SYT12: variants seen among roughly 807,000 people sequenced by gnomAD.
SYT12 encodes the protein synaptotagmin-12.
Under a neutral mutation model 39.5 loss-of-function variants are expected in SYT12, and 27 were observed. The ratio of observed to expected loss-of-function variants is 0.68; its 90% CI spans 0.50 to 0.94. The LOEUF (loss-of-function observed/expected upper bound fraction) is 0.94, where lower values mean the gene tolerates loss of function less well. SYT12 is among the 40% of genes least tolerant of loss of function. The pLI is 0.00. For missense variants in SYT12, 536 were observed against 572.6 expected (o/e 0.94, Z 0.65); for synonymous variants, 233 against 239.7 (o/e 0.97, Z 0.26).
At chr11:67,035,451 T>C in intron 3 of SYT12, among the ~76,000 whole-genome samples, 1 of 140,674 alleles carries the variant, frequency 7.1e-6, no homozygotes, top group East Asian at 2.1e-4. Flanking sequence ...CTTTTTCTTT[T>C]TCTTTTCTTT....
intron 3 of SYT12, among the ~76,000 whole-genome samples, chr11:67,011,868 C>T (rs1213795763): frequency 6.6e-6 from 1 of 151,884 alleles, no homozygotes; most frequent in African/African-American, 2.4e-5. Context: ...CGGGTTCAAG[C>T]AATTCTCCCA....
upstream of SYT12, among the ~76,000 whole-genome samples, chr11:67,018,240 G>A (rs560392567): frequency 3.1e-4 from 47 of 151,976 alleles, no homozygotes; most frequent in East Asian, 8.5e-3. Flanking sequence ...TCCAGCCTGG[G>A]GGACAAGAGC....
chr11:67,040,142 T>G lies in SYT12; in HGVS notation c.560T>G (p.Phe187Cys). The change falls in exon 4 of 8, where the codon TTC (phenylalanine) becomes TGC (cysteine). Residue 187 changes from phenylalanine to cysteine, a missense_variant. Transcript: ENST00000527043. ...CTCCTGGAGCGGGAGGAGGCCAGCT[T>G]CGAGTCCTGCTTCATGCGCGTCAGC... ...KDLLEREEAS[F>C]ESCFMRVSLL... The G allele has an allele frequency of 1.2e-6, 2 of 1,609,782 alleles. No homozygotes were observed. Among genetic ancestry groups the G allele is most frequent in the Non-Finnish European group, 1.7e-6 (2 of 1,177,374 alleles).
At chr11:67,047,777 CTTTTTTT>C (rs1173796349) in intron 7 of SYT12, among the ~76,000 whole-genome samples, 2 of 76,032 alleles carry the variant, frequency 2.6e-5, no homozygotes, top group Non-Finnish European at 2.4e-5. Flanking sequence ...ACCCCCATCT[CTTTTTTT>C]TTTTTTTTTT....
rs1854698722 is a variant in SYT12, at chr11:67,049,904, A to G, written c.*1147A>G. 2 of 152,202 alleles carry G rather than the reference A, an allele frequency of 1.3e-5. No individual in the cohort carries two copies. The highest frequency in any genetic ancestry group is 1.9e-4 in the East Asian group (1 of 5,170). 9.4% of individuals were successfully genotyped at this position (152,202 alleles called of 1,614,324 possible). On this transcript the variant is annotated 3_prime_UTR_variant, in exon 8 of 8. Coordinates refer to ENST00000527043, the MANE Select transcript of SYT12 (RefSeq NM_177963.4). Reference sequence around the variant, plus strand: ...CGATCACGGGGTGGGTGCCCCCGACACCGGGTCTCCTAGCTTGAGTTCCCT... The same window carrying G: ...CGATCACGGGGTGGGTGCCCCCGACGCCGGGTCTCCTAGCTTGAGTTCCCT...
chr11:67,007,321 C>G (rs754456134), exon 1 of SYT12: 1 of 152,240 alleles, frequency 6.6e-6, no homozygotes, highest in Non-Finnish European at 1.5e-5. Context: ...GGCTCGTGGG[C>G]GAAGGGCCTT....
At position 67,009,605 on chromosome 11, in the gene SYT12, T is replaced by C. The variant is rs1283748754; in HGVS notation, c.-484-274T>C. ...TTGTGCCCAGCCCCAGCCCTTGATT[T>C]AAATACTGACAAAACACCTGCTATA... On this transcript the variant is annotated intron_variant, in intron 1 of 10. Coordinates refer to the SYT12 transcript ENST00000393946. 2.6e-5 allele frequency among the ~76,000 whole-genome samples: 4 copies of C among 152,110 alleles called. No homozygotes were observed. The East Asian group carries it at 5.8e-4, about 22-fold the overall frequency.
intron 1 of SYT12, among the ~76,000 whole-genome samples, chr11:67,026,408 G>A (rs1950181451): frequency 6.6e-6 from 1 of 152,044 alleles, no homozygotes; most frequent in Non-Finnish European, 1.5e-5. Context: ...CAAGTAGCTG[G>A]GATTACAGGC....
At position 67,043,683 on chromosome 11, in the gene SYT12, A is replaced by T. The variant is rs908579542; in HGVS notation, c.667A>T (p.Ile223Phe). ...YSIFFDEKFS[I>F]PLDPTALEEK... ...CATCTTCTTTGATGAGAAGTTCTCC[A>T]TCCCCCTGGATCCCACAGCCCTGGA... Residue 223 changes from isoleucine (I) to phenylalanine (F), a missense_variant, in exon 5 of 8, where the codon ATC becomes TTC. Coordinates refer to ENST00000527043, the MANE Select transcript of SYT12 (RefSeq NM_177963.4). The T allele has an allele frequency of 1.9e-6, 3 of 1,614,064 alleles. No homozygotes were observed. The highest frequency in any genetic ancestry group is 2.5e-6 in the Non-Finnish European group (3 of 1,180,024).
At chr11:67,037,813 T>C (rs1950411328) in intron 3 of SYT12, among the ~76,000 whole-genome samples, 1 of 144,236 alleles carries the variant, frequency 6.9e-6, no homozygotes, top group Non-Finnish European at 1.5e-5. Context: ...ACCCAGGAGG[T>C]GGAGCTTGCA....
At chr11:67,029,434 G>A (rs1051767347) in intron 1 of SYT12, 5 of 152,228 alleles carry the variant, frequency 3.3e-5, no homozygotes, top group African/African-American at 1.2e-4. Flanking sequence ...AAATGAGCTG[G>A]GGTTGCCAGA....
intron 3 of SYT12, among the ~76,000 whole-genome samples, chr11:67,036,851 A>G (rs1169195609): frequency 2.6e-5 from 4 of 152,178 alleles, no homozygotes; most frequent in Non-Finnish European, 5.9e-5. Flanking sequence ...AGACTGGTGG[A>G]TCACCTGAGG....
At chr11:67,040,983 C>T (rs1950502614) in intron 4 of SYT12, among the ~76,000 whole-genome samples, 1 of 151,982 alleles carries the variant, frequency 6.6e-6, no homozygotes. Context: ...CATGGCAAAA[C>T]TCCTTCTCTA....
intron 3 of SYT12, among the ~76,000 whole-genome samples, chr11:67,015,100 G>C (rs534539211): frequency 6.6e-6 from 1 of 152,224 alleles, no homozygotes; most frequent in East Asian, 1.9e-4. Context: ...GGTCTCTCTG[G>C]CCCCTTACTT....
intron 2 of SYT12, chr11:67,030,413 CTT>C: frequency 1.9e-6 from 1 of 518,694 alleles, no homozygotes; most frequent in Non-Finnish European, 3.4e-6. Flanking sequence ...GTTAAAGTGA[CTT>C]TCTCTCTTTC....
intron 1 of SYT12, among the ~76,000 whole-genome samples, chr11:67,007,831 T>C (rs1949983188): frequency 6.6e-6 from 1 of 152,068 alleles, no homozygotes; most frequent in South Asian, 2.1e-4. Flanking sequence ...CCCGAAGTGC[T>C]GGGATTACAG....
At chr11:67,017,349 C>G (rs926898595) in intron 3 of SYT12, among the ~76,000 whole-genome samples, 5 of 150,086 alleles carry the variant, frequency 3.3e-5, no homozygotes, top group Non-Finnish European at 7.4e-5. Context: ...TAGGGAGACC[C>G]CATTTCTACA....
At chr11:67,017,276 C>G (rs1950065515) in intron 3 of SYT12, among the ~76,000 whole-genome samples, 1 of 152,008 alleles carries the variant, frequency 6.6e-6, no homozygotes, top group South Asian at 2.1e-4. Flanking sequence ...AATCCATATA[C>G]TTTGGGAGGC....
At chr11:67,022,090 A>G (rs1299666822), upstream of SYT12, among the ~76,000 whole-genome samples, 1 of 150,764 alleles carries the variant, frequency 6.6e-6, no homozygotes, top group Non-Finnish European at 1.5e-5. Context: ...ATTTTTTTGT[A>G]TTTTTAGTAG....
Sources: allele counts gnomAD v4.1 joint callset (sites outside exome capture counted in the v4.1 genomes callset), GRCh38; gene constraint gnomAD v4.1.1; transcripts MANE v1.5; gene names NCBI Gene and HGNC (gene_info 2026-07-23, HGNC 2026-07-21).